TCP11L1: variants seen among roughly 807,000 people sequenced by gnomAD.
TCP11L1 encodes the protein t-complex 11 like 1, also known as T-complex protein 11-like protein 1.
TCP11L1 carries 28 observed loss-of-function variants against 48.9 expected under a neutral mutation model. The ratio of observed to expected loss-of-function variants is 0.57; its 90% CI spans 0.42 to 0.78. The LOEUF is 0.78. TCP11L1 is among the 30% of genes least tolerant of loss of function. TCP11L1 has a pLI of 0.00. For missense variants in TCP11L1, 505 were observed against 613.4 expected (o/e 0.82, Z 1.87); for synonymous variants, 204 against 231.9 (o/e 0.88, Z 1.09).
intron 7 of TCP11L1, among the ~76,000 whole-genome samples, chr11:33,062,647 A>G (rs1854500447): frequency 6.6e-6 from 1 of 152,098 alleles, no homozygotes; most frequent in Non-Finnish European, 1.5e-5. Context: ...CTGTCTTCCC[A>G]CCAAACACAC....
Position 33,072,579 on chromosome 11 carries a change from A to T in TCP11L1, c.1433A>T (p.Glu478Val). Reference sequence around the variant, plus strand: ...AGTCCAGTTCAGAGAGAGCTGGAGGAAGTTGCTATTAAATTTGCTCGCCTG... The same window carrying T: ...AGTCCAGTTCAGAGAGAGCTGGAGGTAGTTGCTATTAAATTTGCTCGCCTG... ...GLSPVQRELE[E>V]VAIKFARLVN... The change falls in exon 10 of 10, where the codon GAA becomes GTA. Residue 478 changes from glutamate (E) to valine (V), a missense_variant. Around this residue, in one of 3 missense-constraint regions of TCP11L1, gnomAD observed 335 missense variants for 413.3 expected, o/e 0.81. Coordinates refer to ENST00000334274, the MANE Select transcript of TCP11L1 (RefSeq NM_018393.4). 1 of 1,614,118 alleles carries T rather than the reference A, an allele frequency of 6.2e-7. No homozygotes were observed. Among genetic ancestry groups the T allele is most frequent in the Non-Finnish European group, 8.5e-7 (1 of 1,180,014 alleles).
intron 9 of TCP11L1, 57 bp downstream of exon 9, chr11:33,068,916 G>T: frequency 6.3e-7 from 1 of 1,575,190 alleles, no homozygotes. Context: ...TGGAGCACGA[G>T]TCCATCTGAA....
At chr11:33,053,852 CAG>C (rs1854234616) in intron 2 of TCP11L1, among the ~76,000 whole-genome samples, 1 of 152,056 alleles carries the variant, frequency 6.6e-6, no homozygotes, top group Non-Finnish European at 1.5e-5. Context: ...TTTTTTGAGA[CAG>C]AGTCTTGCTC....
chr11:33,059,393 T>C (rs1336805556), intron 6 of TCP11L1, among the ~76,000 whole-genome samples: 1 of 152,220 alleles, frequency 6.6e-6, no homozygotes, highest in African/African-American at 2.4e-5. Flanking sequence ...TGAAGTAAAA[T>C]ACATTCTTGG....
intron 9 of TCP11L1, among the ~76,000 whole-genome samples, chr11:33,070,242 C>T (rs1364240468): frequency 5.9e-5 from 9 of 151,550 alleles, no homozygotes; most frequent in Admixed American, 3.9e-4. Flanking sequence ...AATTTCACCA[C>T]TGCACTCCAG....
At chr11:33,040,760 T>A (rs1431032558) in intron 1 of TCP11L1, 1 of 151,708 alleles carries the variant, frequency 6.6e-6, no homozygotes, top group Non-Finnish European at 1.5e-5. Flanking sequence ...ATGCCCTCCT[T>A]TTCACCTCCT....
chr11:33,064,676 C>T (rs758783030), intron 7 of TCP11L1, among the ~76,000 whole-genome samples: 4 of 152,194 alleles, frequency 2.6e-5, no homozygotes, highest in Non-Finnish European at 4.4e-5. Context: ...TTTATTTACT[C>T]GCCAGTTCTT....
chr11:33,062,846 G>A (rs986825820), intron 7 of TCP11L1, among the ~76,000 whole-genome samples: 1 of 152,212 alleles, frequency 6.6e-6, no homozygotes, highest in Non-Finnish European at 1.5e-5. Flanking sequence ...GTATGTGTCA[G>A]TGTTCCCTTT....
chr11:33,058,071 G>A lies in TCP11L1; in HGVS notation c.570G>A (p.Leu190=). 6.2e-7 allele frequency: 1 copy of A among 1,614,152 alleles called. No homozygotes were observed. The change falls in exon 5 of 10, where the codon CTG becomes CTA. Residue 190 remains leucine (L), a synonymous_variant. Transcript: ENST00000334274. ...AEFIIGMMGT[L]CAPARDEEVK... ...TCATTATTGGCATGATGGGGACACTGTGTGCACCTGCTCGAGATGAGGAAG... is the reference window on the plus strand; with the variant it reads ...TCATTATTGGCATGATGGGGACACTATGTGCACCTGCTCGAGATGAGGAAG...
rs1166137506 is a variant in TCP11L1, at chr11:33,057,109, C to A, written c.297-6C>A. ...GCCCCCCTCCTTTTTTTTTTCACTG[C>A]CCCAGCTTGAAGAAGAGAGTAAAGG... is the stretch of plus-strand genomic sequence containing the variant. On this transcript the variant is annotated splice_polypyrimidine_tract_variant and splice_region_variant and intron_variant, in intron 3 of 9. Coordinates refer to ENST00000334274, the MANE Select transcript of TCP11L1 (RefSeq NM_018393.4). 1.2e-6 allele frequency: 2 copies of A among 1,611,420 alleles called. No individual in the cohort carries two copies. Among genetic ancestry groups the A allele is most frequent in the African/African-American group, 1.3e-5 (1 of 74,752 alleles).
chr11:33,060,262 G>C (rs902076439), intron 6 of TCP11L1, among the ~76,000 whole-genome samples: 1 of 152,192 alleles, frequency 6.6e-6, no homozygotes, highest in Admixed American at 6.5e-5. Context: ...CTGGGGCATA[G>C]TGGAGGACTC....
intron 6 of TCP11L1, 89 bp downstream of exon 6, chr11:33,059,184 A>C: frequency 6.6e-7 from 1 of 1,519,964 alleles, no homozygotes; most frequent in Non-Finnish European, 8.9e-7. Flanking sequence ...TATTTTCAGA[A>C]CAAAACTAAA....
At position 33,072,493 on chromosome 11, in the gene TCP11L1, C is replaced by T. The variant is rs772088672; in HGVS notation, c.1347C>T (p.Phe449=). The T allele has an allele frequency of 1.9e-6, 3 of 1,614,154 alleles. No homozygotes were observed. The highest frequency in any genetic ancestry group is 4.5e-5 in the East Asian group (2 of 44,874). The change falls in exon 10 of 10, where the codon TTC becomes TTT. Residue 449 remains phenylalanine (F), a synonymous_variant. Coordinates refer to ENST00000334274, the MANE Select transcript of TCP11L1 (RefSeq NM_018393.4). ...RRIMESRILT[F]LETYLASGHQ... ...TCACAGAATCTCGAATCCTGACCTT[C>T]TTAGAAACCTACCTTGCCTCGGGTC...
At chr11:33,061,176 G>A (rs545872748) in intron 6 of TCP11L1, among the ~76,000 whole-genome samples, 6 of 151,696 alleles carry the variant, frequency 4.0e-5, no homozygotes, top group African/African-American at 9.7e-5. Flanking sequence ...GGCTGGTCTC[G>A]AACTCCTGGG....
intron 2 of TCP11L1, among the ~76,000 whole-genome samples, chr11:33,049,783 A>C (rs551574640): frequency 2.6e-5 from 4 of 152,230 alleles, no homozygotes; most frequent in Admixed American, 1.3e-4. Context: ...AGGGATGAGC[A>C]GGAGACAGAT....
intron 3 of TCP11L1, among the ~76,000 whole-genome samples, chr11:33,056,056 T>C (rs540259447): frequency 8.5e-5 from 13 of 152,184 alleles, no homozygotes; most frequent in Admixed American, 4.6e-4. Context: ...GACCTTGTTA[T>C]CTATCTGCCT....
At chr11:33,042,372 C>CGCCTGTTTTAG (rs1376376064) in intron 1 of TCP11L1, among the ~76,000 whole-genome samples, 24 of 152,266 alleles carry the variant, frequency 1.6e-4, no homozygotes, top group Admixed American at 2.6e-4. Flanking sequence ...CCTCATGATC[C>CGCCTGTTTTAG]GCCTGTTTTA....
intron 1 of TCP11L1, 123 bp from the exon 2 acceptor site, chr11:33,043,627 T>G (rs1853902159): frequency 2.8e-6 from 2 of 710,318 alleles, no homozygotes; most frequent in Non-Finnish European, 4.4e-6. Flanking sequence ...GCAAGCTCAT[T>G]TATTCTACAA....
intron 3 of TCP11L1, among the ~76,000 whole-genome samples, chr11:33,056,057 C>T (rs980266123): frequency 2.6e-5 from 4 of 152,002 alleles, no homozygotes; most frequent in Admixed American, 6.6e-5. Context: ...ACCTTGTTAT[C>T]TATCTGCCTC....
Sources: allele counts gnomAD v4.1 joint callset (sites outside exome capture counted in the v4.1 genomes callset), GRCh38; gene constraint gnomAD v4.1.1; regional missense constraint gnomAD v4.1.1; transcripts MANE v1.5; gene names NCBI Gene and HGNC (gene_info 2026-07-23, HGNC 2026-07-21).